The following LRMDA variants were observed in gnomAD, a reference collection of about 807,000 sequenced individuals.
LRMDA encodes the protein leucine rich melanocyte differentiation associated, also known as leucine-rich melanocyte differentiation-associated protein.
Under a neutral mutation model 29.8 loss-of-function variants are expected in LRMDA, and 18 were observed. That is an observed-to-expected ratio of 0.60 (90% CI 0.42 to 0.90). The LOEUF is 0.90. Among genes scored for constraint, LRMDA ranks in the 40% least tolerant of loss-of-function variants. The probability of loss-of-function intolerance (pLI) is 0.00; values close to 1 mark genes in which losing one functional copy is unlikely to be tolerated. For synonymous variants in LRMDA, 125 were observed against 109.4 expected (o/e 1.14, Z -0.89); for missense variants, 273 against 273.9 (o/e 1.00, Z 0.02).
At chr10:76,439,507 T>C (rs2132290245) in intron 6 of LRMDA, among the ~76,000 whole-genome samples, 1 of 152,304 alleles carries the variant, frequency 6.6e-6, no homozygotes, top group East Asian at 1.9e-4. Context: ...AAGCGCCCAG[T>C]TAGAAGATGT....
intron 2 of LRMDA, among the ~76,000 whole-genome samples, chr10:75,983,482 A>G (rs1279441304): frequency 1.3e-5 from 2 of 152,196 alleles, no homozygotes; most frequent in South Asian, 2.1e-4. Context: ...CTTCACATAT[A>G]TGTGTGTATA....
chr10:76,112,291 A>G (rs1463102207), intron 5 of LRMDA, among the ~76,000 whole-genome samples: 2 of 152,116 alleles, frequency 1.3e-5, no homozygotes, highest in Non-Finnish European at 2.9e-5. Context: ...CCTCTCCCTG[A>G]GCACACTGGG....
At position 75,834,142 on chromosome 10, in the gene LRMDA, C is replaced by A. The variant is rs535709367; in HGVS notation, c.132-201866C>A. Among the ~76,000 whole-genome samples, 24 of 152,290 alleles carry A rather than the reference C, an allele frequency of 1.6e-4. No individual in the cohort carries two copies. In the South Asian group the frequency reaches 2.9e-3, roughly 18 times the overall value. On this transcript the variant is annotated intron_variant, in intron 2 of 6. Transcript: ENST00000611255. ...TTTTATCCTTTTTATCCCTTCTATT[C>A]TAAGCTGACAGTATTTCTGCTAGTA... is the stretch of plus-strand genomic sequence containing the variant.
chr10:75,885,846 T>C (rs1845378877), intron 2 of LRMDA, among the ~76,000 whole-genome samples: 1 of 152,226 alleles, frequency 6.6e-6, no homozygotes, highest in African/African-American at 2.4e-5. Context: ...CTGAGCTCCA[T>C]TGCAGCAGGG....
chr10:75,434,439 A>C (rs1387923118), intron 1 of LRMDA, among the ~76,000 whole-genome samples: 2 of 152,158 alleles, frequency 1.3e-5, no homozygotes, highest in Non-Finnish European at 2.9e-5. Context: ...CCTTTGGAGG[A>C]GTTAGTGTTA....
chr10:75,714,831 TTCTTTCC>T (rs1426978738), intron 2 of LRMDA, among the ~76,000 whole-genome samples: 1 of 142,506 alleles, frequency 7.0e-6, no homozygotes, highest in Non-Finnish European at 1.5e-5. Flanking sequence ...CCCTTCCTCC[TTCTTTCC>T]CTCCCTCCCT....
intron 2 of LRMDA, among the ~76,000 whole-genome samples, chr10:75,513,242 C>T (rs138610763): frequency 7.2e-4 from 109 of 152,294 alleles, no homozygotes; most frequent in Non-Finnish European, 1.3e-3. Context: ...TTTTGTTTCT[C>T]GTTCCATTCC....
chr10:76,438,625 G>T (rs911903874), intron 6 of LRMDA: 2 of 152,156 alleles, frequency 1.3e-5, no homozygotes, highest in African/African-American at 4.8e-5. Context: ...CCCGTTTTCT[G>T]AGTGTCATGG....
At chr10:75,569,629 A>G (rs1443013879) in intron 2 of LRMDA, among the ~76,000 whole-genome samples, 1 of 152,240 alleles carries the variant, frequency 6.6e-6, no homozygotes, top group Admixed American at 6.5e-5. Context: ...TTCACTTAGC[A>G]GGTGCTATAT....
At chr10:75,621,393 T>C (rs1488919092) in intron 2 of LRMDA, among the ~76,000 whole-genome samples, 1 of 152,230 alleles carries the variant, frequency 6.6e-6, no homozygotes, top group East Asian at 1.9e-4. Context: ...TGTGCCTGCC[T>C]TTGTACTTCT....
At chr10:76,357,979 T>C (rs1841263186) in intron 6 of LRMDA, among the ~76,000 whole-genome samples, 1 of 152,082 alleles carries the variant, frequency 6.6e-6, no homozygotes, top group Non-Finnish European at 1.5e-5. Context: ...TCCTGGTAAA[T>C]GAAGTGTGTA....
At chr10:75,475,846 AC>A (rs1471203183) in intron 2 of LRMDA, among the ~76,000 whole-genome samples, 1 of 152,066 alleles carries the variant, frequency 6.6e-6, no homozygotes, top group African/African-American at 2.4e-5. Context: ...GATTTATACC[AC>A]TTTTCCCCCC....
intron 5 of LRMDA, among the ~76,000 whole-genome samples, chr10:76,308,335 C>T (rs1331395687): frequency 2.0e-5 from 3 of 152,168 alleles, no homozygotes; most frequent in South Asian, 2.1e-4. Context: ...GTCATAGCAG[C>T]GATCTCACAA....
chr10:75,932,325 T>G (rs1846218204), intron 2 of LRMDA, among the ~76,000 whole-genome samples: 1 of 152,120 alleles, frequency 6.6e-6, no homozygotes, highest in Admixed American at 6.6e-5. Flanking sequence ...TTGGGTATAA[T>G]AGAGGGGATG....
chr10:76,207,536 A>G (rs1370972372), intron 5 of LRMDA, among the ~76,000 whole-genome samples: 1 of 152,222 alleles, frequency 6.6e-6, no homozygotes, highest in African/African-American at 2.4e-5. Context: ...TTAAAAAACA[A>G]TGCCCAGTGT....
Position 75,749,480 on chromosome 10 carries a change from A to G in LRMDA, c.132-286528A>G, listed in dbSNP as rs148956028. Among the ~76,000 whole-genome samples, 789 of 152,180 alleles carry G rather than the reference A, an allele frequency of 5.2e-3. 10 individuals are homozygous for G. Among genetic ancestry groups the G allele is most frequent in the African/African-American group, 0.018 (759 of 41,498 alleles). On this transcript the variant is annotated intron_variant, in intron 2 of 6. Transcript: ENST00000611255. ...TGTATATGTACATACACACACATAT[A>G]TATCTGTATATGTTTATGTGTATTA...
At chr10:75,863,516 G>A (rs1844967668) in intron 2 of LRMDA, among the ~76,000 whole-genome samples, 2 of 152,154 alleles carry the variant, frequency 1.3e-5, no homozygotes, top group Admixed American at 6.5e-5. Flanking sequence ...GGTCCTAGCT[G>A]TACTGCCTAC....
intron 5 of LRMDA, among the ~76,000 whole-genome samples, chr10:76,078,069 G>A (rs1218083090): frequency 8.3e-6 from 1 of 120,088 alleles, no homozygotes; most frequent in Non-Finnish European, 1.6e-5. Flanking sequence ...GTATTGCAGT[G>A]GTGTGATCTC....
intron 2 of LRMDA, among the ~76,000 whole-genome samples, chr10:75,930,085 A>G (rs1846182705): frequency 6.6e-6 from 1 of 152,178 alleles, no homozygotes; most frequent in African/African-American, 2.4e-5. Flanking sequence ...AGAGGCTTTT[A>G]TTCTGAAGAA....
Sources: allele counts gnomAD v4.1 joint callset (sites outside exome capture counted in the v4.1 genomes callset), GRCh38; gene constraint gnomAD v4.1.1; transcripts MANE v1.5; gene names NCBI Gene and HGNC (gene_info 2026-07-23, HGNC 2026-07-21).